HAO2: variants seen among roughly 807,000 people sequenced by gnomAD.
The protein encoded by HAO2 is 2-Hydroxyacid oxidase 2.
In HAO2, 42 loss-of-function variants were observed where a neutral mutation model predicts 37.4. The ratio of observed to expected loss-of-function variants is 1.12; its 90% CI spans 0.88 to 1.45. The LOEUF (loss-of-function observed/expected upper bound fraction) is 1.45, where lower values mean the gene tolerates loss of function less well. Among genes scored for constraint, HAO2 ranks in the 40% most tolerant of loss-of-function variants. The pLI, the probability that HAO2 is intolerant of heterozygous loss-of-function variation, is 0.00. For missense variants in HAO2, 476 were observed against 430.2 expected (o/e 1.11, Z -0.94); for synonymous variants, 180 against 162.8 (o/e 1.11, Z -0.81).
At chr1:119,377,174 C>T (rs1325258852) in intron 1 of HAO2, among the ~76,000 whole-genome samples, 1 of 152,116 alleles carries the variant, frequency 6.6e-6, no homozygotes, top group Non-Finnish European at 1.5e-5. Flanking sequence ...TTAACAGCCC[C>T]CAAGTCACCT....
At chr1:119,391,508 C>A (rs1174818303) in intron 5 of HAO2, among the ~76,000 whole-genome samples, 4 of 152,186 alleles carry the variant, frequency 2.6e-5, no homozygotes, top group Non-Finnish European at 4.4e-5. Flanking sequence ...TTTTGTCTGT[C>A]AAAGGCTCAA....
intron 1 of HAO2, among the ~76,000 whole-genome samples, chr1:119,375,545 G>T (rs1475266522): frequency 6.6e-6 from 1 of 152,148 alleles, no homozygotes; most frequent in Non-Finnish European, 1.5e-5. Context: ...AAATGAGAAT[G>T]TCTATCTTTA....
chr1:119,385,625 C>T, intron 4 of HAO2: 1 of 985,076 alleles, frequency 1.0e-6, no homozygotes, highest in Non-Finnish European at 1.2e-6. Flanking sequence ...AACTAGGTGA[C>T]TACAAAGGGG....
intron 7 of HAO2, among the ~76,000 whole-genome samples, chr1:119,393,487 T>G (rs587687349): frequency 5.5e-4 from 83 of 152,220 alleles, no homozygotes; most frequent in Non-Finnish European, 1.0e-3. Context: ...AGAACCAAGA[T>G]AAAGATCAAA....
At chr1:119,372,805 A>G (rs916495462) in intron 1 of HAO2, among the ~76,000 whole-genome samples, 2 of 152,170 alleles carry the variant, frequency 1.3e-5, no homozygotes, top group Non-Finnish European at 2.9e-5. Context: ...TTGTTGGCAA[A>G]TATGTCTAAA....
intron 1 of HAO2, among the ~76,000 whole-genome samples, chr1:119,375,058 T>TAAAATG (rs1649337190): frequency 6.6e-6 from 1 of 152,158 alleles, no homozygotes; most frequent in Non-Finnish European, 1.5e-5. Context: ...TCTAGAACAA[T>TAAAATG]AGCTGGCAAT....
chr1:119,392,237 G>C lies in HAO2; in HGVS notation c.899G>C (p.Gly300Ala). 1 of 1,613,304 alleles carries C rather than the reference G, an allele frequency of 6.2e-7. No individual in the cohort carries two copies. The highest frequency in any genetic ancestry group is 8.5e-7 in the Non-Finnish European group (1 of 1,179,534). The change falls in exon 6 of 8, where the codon GGG (glycine) becomes GCG (alanine). Residue 300 changes from glycine to alanine, a missense_variant. By Grantham distance (60) the Gly-to-Ala change is moderately conservative. Coordinates refer to ENST00000325945, the MANE Select transcript of HAO2 (RefSeq NM_016527.4). ...LALGAKCIFL[G>A]RPILWGLACK... The stretch of plus-strand genomic sequence containing the variant: ...CTTGGAGCTAAGTGCATTTTTCTTG[G>C]GAGACCAATCCTATGGGGCCTTGCC...
chr1:119,374,137 A>G (rs889063950), intron 1 of HAO2, among the ~76,000 whole-genome samples: 4 of 152,198 alleles, frequency 2.6e-5, no homozygotes, highest in African/African-American at 9.6e-5. Flanking sequence ...GTTCCTGGGC[A>G]TCCAAATTCT....
chr1:119,371,953 C>T (rs1012088233), intron 1 of HAO2, among the ~76,000 whole-genome samples: 1 of 152,174 alleles, frequency 6.6e-6, no homozygotes, highest in Non-Finnish European at 1.5e-5. Context: ...TCCCAGTATG[C>T]CCTAAACTAT....
intron 4 of HAO2, chr1:119,385,531 A>G: frequency 1.1e-6 from 1 of 907,962 alleles, no homozygotes; most frequent in South Asian, 5.1e-5. Context: ...TACTGCCTTG[A>G]AACTGAGGAA....
At chr1:119,391,383 G>A (rs892698168) in intron 5 of HAO2, among the ~76,000 whole-genome samples, 7 of 152,128 alleles carry the variant, frequency 4.6e-5, no homozygotes, top group African/African-American at 7.2e-5. Flanking sequence ...AGCATAGATC[G>A]GCCTGGGGCA....
rs772866023 is a variant in HAO2 at position 119,392,627 on chromosome 1, G to A, written c.940G>A (p.Gly314Ser). The A allele has an allele frequency of 1.2e-6, 2 of 1,605,712 alleles. No homozygotes were observed. Among genetic ancestry groups the A allele is most frequent in the South Asian group, 2.2e-5 (2 of 90,878 alleles). Residue 314 changes from glycine to serine, a missense_variant, in exon 7 of 8, where the codon GGT becomes AGT. Gly to Ser is a moderately conservative substitution (Grantham distance 56, BLOSUM62 0). Coordinates refer to ENST00000325945, the MANE Select transcript of HAO2 (RefSeq NM_016527.4). Reference protein sequence around the residue: ...LWGLACKGEHGVKEVLNILTN... With the variant: ...LWGLACKGEHSVKEVLNILTN... The stretch of plus-strand genomic sequence containing the variant: ...TCTGCCTCGGGAGCAGGGTGAACAT[G>A]GTGTTAAGGAAGTTTTGAACATTTT...
At chr1:119,373,069 G>T (rs1649163810) in intron 1 of HAO2, among the ~76,000 whole-genome samples, 1 of 152,218 alleles carries the variant, frequency 6.6e-6, no homozygotes, top group Non-Finnish European at 1.5e-5. Flanking sequence ...CATGTAGCCT[G>T]CCACTGTTCA....
Position 119,369,282 on chromosome 1 carries a change from C to T in HAO2, c.-9+380C>T, listed in dbSNP as rs116801212. Among the ~76,000 whole-genome samples, 824 of 152,196 alleles carry T rather than the reference C, an allele frequency of 5.4e-3. 6 individuals are homozygous for T. Among genetic ancestry groups the T allele is most frequent in the African/African-American group, 0.019 (770 of 41,502 alleles). The stretch of plus-strand genomic sequence containing the variant: ...TATTCTGACCACTGCTTCCCGGCCA[C>T]AAGCAAAAGAAAACAGTGACATGGC... On this transcript the variant is annotated intron_variant, in intron 1 of 7. Coordinates refer to ENST00000325945, the MANE Select transcript of HAO2 (RefSeq NM_016527.4).
chr1:119,390,164 A>G (rs1052782038), intron 5 of HAO2, among the ~76,000 whole-genome samples: 3 of 152,170 alleles, frequency 2.0e-5, no homozygotes, highest in Non-Finnish European at 4.4e-5. Flanking sequence ...TTTTTATACC[A>G]GTTCCATGCT....
At chr1:119,370,626 G>A (rs1198017694) in intron 1 of HAO2, among the ~76,000 whole-genome samples, 1 of 152,184 alleles carries the variant, frequency 6.6e-6, no homozygotes, top group African/African-American at 2.4e-5. Context: ...GTAGAGCTGA[G>A]ATTTCAGCCT....
intron 5 of HAO2, among the ~76,000 whole-genome samples, chr1:119,387,390 T>C (rs945402374): frequency 6.6e-6 from 1 of 152,192 alleles, no homozygotes; most frequent in Non-Finnish European, 1.5e-5. Flanking sequence ...TTTGTTTTCA[T>C]TGAGTTATAT....
At chr1:119,379,304 C>T (rs1044004235) in intron 1 of HAO2, among the ~76,000 whole-genome samples, 2 of 152,144 alleles carry the variant, frequency 1.3e-5, no homozygotes, top group Non-Finnish European at 2.9e-5. Context: ...TCATCATAAA[C>T]CACATTGTTT....
chr1:119,373,053 C>T (rs587656796), intron 1 of HAO2, among the ~76,000 whole-genome samples: 8 of 152,250 alleles, frequency 5.3e-5, no homozygotes, highest in African/African-American at 1.4e-4. Flanking sequence ...AGACTTGGAG[C>T]GAAGACATGT....
Sources: gnomAD v4.1 joint callset for allele counts (sites outside exome capture counted in the v4.1 genomes callset) on GRCh38, gnomAD v4.1.1 for gene constraint, MANE v1.5 for transcripts, NCBI Gene and HGNC (gene_info 2026-07-23, HGNC 2026-07-21) for gene names.